Variants in GGT1 observed in about 807,000 individuals in gnomAD.
GGT1 encodes the protein gamma-glutamyltransferase 1.
GGT1 carries 21 observed loss-of-function variants against 56.0 expected under a neutral mutation model. The ratio of observed to expected loss-of-function variants is 0.38; its 90% CI spans 0.27 to 0.54. The LOEUF is 0.54. Ranked by LOEUF, GGT1 falls within the 20% of genes least tolerant of loss-of-function variation. GGT1 has a pLI of 0.82. For synonymous variants in GGT1, 238 were observed against 342.6 expected (o/e 0.69, Z 3.37); for missense variants, 466 against 787.0 (o/e 0.59, Z 4.88).
the GGT1 span, among the ~76,000 whole-genome samples, chr22:24,584,807 T>C: frequency 6.6e-6 from 1 of 151,950 alleles, no homozygotes; most frequent in East Asian, 1.9e-4. Flanking sequence ...TCTAAATTCC[T>C]TTCCCGCCTG....
At position 24,605,203 on chromosome 22, in the gene GGT1, GTATTA is replaced by G. The variant is rs1448308986; in HGVS notation, c.-429+1685_-429+1689del. On this transcript the variant is annotated intron_variant, in intron 1 of 15. Transcript: ENST00000400382. ...TAATATATTATATAATATATAATAT[GTATTA>G]TATTATATATTATATAATATGTATT... Among the ~76,000 whole-genome samples the G allele has an allele frequency of 2.0e-3, 103 of 50,702 alleles. 24 individuals are homozygous for G. Among genetic ancestry groups the G allele is most frequent in the Non-Finnish European group, 2.6e-3 (85 of 32,618 alleles). 33.3% of individuals were successfully genotyped at this position (50,702 alleles called of 152,430 possible). A position where few individuals can be genotyped will look rare whatever the true frequency, so the allele number is the denominator to read the frequency against.
chr22:24,611,481 T>G lies in GGT1; in HGVS notation c.164+236T>G, dbSNP rs373933899. ...TCTCTTTGGAATAAACTGCACTGTTTTGTTGTTTGGTTGTTATTTTTACTT... is the reference window on the plus strand; with the variant it reads ...TCTCTTTGGAATAAACTGCACTGTTGTGTTGTTTGGTTGTTATTTTTACTT... On this transcript the variant is annotated intron_variant, in intron 5 of 15. Coordinates refer to ENST00000400382, the MANE Select transcript of GGT1 (RefSeq NM_001288833.2). Among the ~76,000 whole-genome samples the G allele has an allele frequency of 4.6e-5, 7 of 152,230 alleles. No individual in the cohort carries two copies. In the East Asian group the frequency reaches 1.3e-3, roughly 29 times the overall value.
chr22:24,594,391 A>ATG (rs61535476), upstream of GGT1, among the ~76,000 whole-genome samples: 12,212 of 142,130 alleles, frequency 0.086, 607 homozygotes, highest in South Asian at 0.14. Flanking sequence ...ACCCGTGTGT[A>ATG]TGTGTGTGTG....
At chr22:24,593,038 A>T (rs530802654), upstream of GGT1, 14 of 1,045,116 alleles carry the variant, frequency 1.3e-5, no homozygotes, top group Non-Finnish European at 1.6e-5. Context: ...CCGCGCCCCC[A>T]TGGCCGCCGC....
the GGT1 span, among the ~76,000 whole-genome samples, chr22:24,584,564 CAG>C: frequency 6.6e-6 from 1 of 152,206 alleles, no homozygotes; most frequent in African/African-American, 2.4e-5. Flanking sequence ...CCATGCACCA[CAG>C]GGGATGGATG....
At chr22:24,593,254 T>C (rs917809850), upstream of GGT1, 8 of 348,752 alleles carry the variant, frequency 2.3e-5, no homozygotes, top group Non-Finnish European at 3.3e-5. Context: ...GCGTCAGTCT[T>C]GGCGCTAGAA....
chr22:24,590,651 C>T (rs1274955738), upstream of GGT1, among the ~76,000 whole-genome samples: 1 of 152,182 alleles, frequency 6.6e-6, no homozygotes, highest in Non-Finnish European at 1.5e-5. Flanking sequence ...CCTTCAGATC[C>T]TCTGCCTTCC....
intron 9 of GGT1, among the ~76,000 whole-genome samples, chr22:24,622,361 G>A (rs1458555010): frequency 2.8e-5 from 4 of 143,030 alleles, no homozygotes; most frequent in Admixed American, 1.4e-4. Flanking sequence ...TCAGGAGATC[G>A]AGACCATCCT....
the GGT1 span, chr22:24,588,772 C>T: frequency 1.9e-6 from 2 of 1,027,116 alleles, no homozygotes; most frequent in Non-Finnish European, 2.3e-6. Context: ...TCAGCGTGTT[C>T]TTCTTCCTCT....
At chr22:24,590,955 C>G (rs2045550884), upstream of GGT1, among the ~76,000 whole-genome samples, 1 of 152,232 alleles carries the variant, frequency 6.6e-6, no homozygotes, top group Admixed American at 6.5e-5. Flanking sequence ...GGCCTCCAGC[C>G]TCCTCTCCTA....
Position 24,610,970 on chromosome 22 carries a change from A to C in GGT1, c.-7-105A>C, listed in dbSNP as rs368924690. On this transcript the variant is annotated intron_variant, in intron 4 of 15. Coordinates refer to ENST00000400382, the MANE Select transcript of GGT1 (RefSeq NM_001288833.2). ...ATTCTGGGAAGCGGGAAGGAGACAC[A>C]GGCCTTGTGTTTCTGAGGCCCGACT... 6.7e-3 allele frequency: 6,342 copies of C among 939,638 alleles called. 20 individuals carry two copies. Among genetic ancestry groups the C allele is most frequent in the African/African-American group, 0.013 (776 of 60,716 alleles). The allele number at this position is 939,638 out of a possible 1,614,324, so 58.2% of individuals were successfully genotyped here. A position where few individuals can be genotyped will look rare whatever the true frequency, so the allele number is the denominator to read the frequency against.
chr22:24,589,573 C>T, the GGT1 span: 1 of 508,984 alleles, frequency 2.0e-6, no homozygotes, highest in Non-Finnish European at 3.2e-6. Context: ...GTGCACAGTG[C>T]TGCCACACAG....
In GGT1 at chr22:24,627,476, G is replaced by A; in HGVS notation, c.1065G>A (p.Arg355=). The change falls in exon 12 of 16, where the codon CGG becomes CGA. Residue 355 remains arginine, a synonymous_variant. Coordinates refer to ENST00000400382, the MANE Select transcript of GGT1 (RefSeq NM_001288833.2). ...CCGAGTTCTTCGCTGCCCAGCTCCG[G>A]GCCCAGATCTCTGACGACACCACTC... The part of the protein sequence containing the change: ...MTSEFFAAQL[R]AQISDDTTHP... 1 of 1,606,060 alleles carries A rather than the reference G, an allele frequency of 6.2e-7. No homozygotes were observed. Among genetic ancestry groups the A allele is most frequent in the South Asian group, 1.1e-5 (1 of 90,720 alleles).
At chr22:24,589,337 G>T in the GGT1 span, 9 of 1,159,148 alleles carry the variant, frequency 7.8e-6, no homozygotes, top group Middle Eastern at 5.9e-4. Flanking sequence ...GACCCCAGCT[G>T]TTGTAGGGGA....
upstream of GGT1, among the ~76,000 whole-genome samples, chr22:24,590,594 G>A (rs1026215446): frequency 6.6e-6 from 1 of 152,100 alleles, no homozygotes; most frequent in African/African-American, 2.4e-5. Context: ...TGGTGGGGGG[G>A]TTTGCTCTTC....
At chr22:24,588,416 G>C in the GGT1 span, 5,202 of 1,027,212 alleles carry the variant, frequency 5.1e-3, 39 homozygotes, top group Middle Eastern at 0.018. Flanking sequence ...GCAGCCAAGT[G>C]TGTGTGTGAG....
chr22:24,585,547 T>G, the GGT1 span: 2 of 343,328 alleles, frequency 5.8e-6, no homozygotes, highest in Non-Finnish European at 1.1e-5. Context: ...TCCCACCCTT[T>G]TGGATAGACA....
At chr22:24,588,860 C>T in the GGT1 span, 7 of 1,007,084 alleles carry the variant, frequency 7.0e-6, no homozygotes, top group African/African-American at 5.2e-5. Flanking sequence ...TTTACAGCAC[C>T]ACCACCTGGC....
chr22:24,591,082 G>A (rs1267037036), upstream of GGT1, among the ~76,000 whole-genome samples: 1 of 152,152 alleles, frequency 6.6e-6, no homozygotes, highest in Non-Finnish European at 1.5e-5. Context: ...CTCTTTCAGA[G>A]GGTCTCTTTG....
Sources: allele counts gnomAD v4.1 joint callset (sites outside exome capture counted in the v4.1 genomes callset), GRCh38; gene constraint gnomAD v4.1.1; transcripts MANE v1.5; gene names NCBI Gene and HGNC (gene_info 2026-07-23, HGNC 2026-07-21).